Variants in PPP2R2B observed in about 807,000 individuals in gnomAD.
PPP2R2B encodes protein phosphatase 2 regulatory subunit Bbeta.
Under a neutral mutation model 46.0 loss-of-function variants are expected in PPP2R2B, and 5 were observed. The ratio of observed to expected loss-of-function variants is 0.11; its 90% CI spans 0.06 to 0.23. PPP2R2B has a LOEUF of 0.23. PPP2R2B is among the 10% of genes least tolerant of loss of function. PPP2R2B has a pLI of 1.00. For synonymous variants in PPP2R2B, 215 were observed against 206.7 expected, an observed-to-expected ratio of 1.04 and a Z score of -0.34; for missense variants, 367 against 575.0, an observed-to-expected ratio of 0.64 and a Z score of 3.70.
intron 1 of PPP2R2B, among the ~76,000 whole-genome samples, chr5:147,047,506 A>G (rs1756598745): frequency 1.3e-5 from 2 of 152,136 alleles, no homozygotes; most frequent in South Asian, 4.1e-4. Context: ...GGCCTCTACT[A>G]ATATAAAGAG....
intron 5 of PPP2R2B, among the ~76,000 whole-genome samples, chr5:146,687,841 G>A (rs1228610829): frequency 2.0e-5 from 3 of 152,226 alleles, no homozygotes; most frequent in Non-Finnish European, 2.9e-5. Context: ...ATTAGCTGTC[G>A]GGTATTATTA....
intron 1 of PPP2R2B, among the ~76,000 whole-genome samples, chr5:146,953,520 G>A (rs1374535875): frequency 6.6e-6 from 1 of 152,132 alleles, no homozygotes; most frequent in Non-Finnish European, 1.5e-5. Flanking sequence ...AATGAATTCA[G>A]TGGTGTTAAT....
chr5:146,627,416 A>C (rs1398172443), intron 7 of PPP2R2B, among the ~76,000 whole-genome samples: 1 of 152,186 alleles, frequency 6.6e-6, no homozygotes, highest in South Asian at 2.1e-4. Flanking sequence ...CTAGTGGCTT[A>C]CTTACCAGGG....
At chr5:147,081,300 A>C (rs1376198371) in exon 1 of PPP2R2B, 1 of 1,535,540 alleles carries the variant, frequency 6.5e-7, no homozygotes, top group Non-Finnish European at 8.7e-7. Flanking sequence ...GAGTCCTGAG[A>C]GGACGGTCAG....
intron 2 of PPP2R2B, among the ~76,000 whole-genome samples, chr5:146,802,358 G>A (rs796729399): frequency 5.4e-4 from 82 of 152,266 alleles, no homozygotes; most frequent in African/African-American, 1.9e-3. Flanking sequence ...CAGGGGGGTG[G>A]CAAATGAATA....
intron 2 of PPP2R2B, among the ~76,000 whole-genome samples, chr5:146,711,860 A>AT (rs1780228374): frequency 6.6e-6 from 1 of 152,144 alleles, no homozygotes; most frequent in South Asian, 2.1e-4. Context: ...GATCATAGAG[A>AT]TTTTTAAGTC....
At chr5:146,695,112 T>C (rs966746692) in intron 4 of PPP2R2B, among the ~76,000 whole-genome samples, 2 of 152,070 alleles carry the variant, frequency 1.3e-5, no homozygotes, top group African/African-American at 4.8e-5. Context: ...GGGAAGATAT[T>C]CCTATTATTA....
At chr5:146,811,789 G>T (rs113062175) in intron 2 of PPP2R2B, among the ~76,000 whole-genome samples, 1 of 145,544 alleles carries the variant, frequency 6.9e-6, no homozygotes, top group Admixed American at 7.0e-5. Flanking sequence ...GGATGGTCTC[G>T]ATCTCCTGAC....
At chr5:146,994,384 A>C (rs778235796) in intron 1 of PPP2R2B, among the ~76,000 whole-genome samples, 1 of 151,774 alleles carries the variant, frequency 6.6e-6, no homozygotes, top group Non-Finnish European at 1.5e-5. Flanking sequence ...CCAGAAGCCA[A>C]CTCTGAGTCA....
At chr5:146,745,829 A>G (rs1753157705) in intron 2 of PPP2R2B, among the ~76,000 whole-genome samples, 1 of 152,022 alleles carries the variant, frequency 6.6e-6, no homozygotes, top group Non-Finnish European at 1.5e-5. Flanking sequence ...ATGGTGGTGC[A>G]TGCCTATAGT....
rs1202940324 is a variant in PPP2R2B, at chr5:146,584,753, G to T, written c.*5194C>A. On this transcript the variant is annotated 3_prime_UTR_variant, in exon 10 of 10. Coordinates refer to ENST00000394411, the MANE Select transcript of PPP2R2B (RefSeq NM_181675.4). ...TTAAAATAAGGTTTAATAAATATTT[G>T]TTATTGGATGAACAAAAGGAAAAAG... The T allele has an allele frequency of 1.3e-5, 2 of 152,118 alleles. No individual in the cohort carries two copies. The highest frequency in any genetic ancestry group is 2.9e-5 in the Non-Finnish European group (2 of 68,024). The allele number at this position is 152,118 out of a possible 1,614,324, so 9.4% of individuals were successfully genotyped here.
At chr5:146,941,134 T>A (rs1764309250) in intron 1 of PPP2R2B, among the ~76,000 whole-genome samples, 1 of 152,164 alleles carries the variant, frequency 6.6e-6, no homozygotes, top group South Asian at 2.1e-4. Context: ...TGAGGCTACA[T>A]GAAATGCAAT....
rs1378234113 is a variant in PPP2R2B, at chr5:146,588,788, T to TTCTGG, written c.*1154_*1158dup. 6.6e-6 allele frequency: 1 copy of TTCTGG among 152,214 alleles called. No homozygotes were observed. The highest frequency in any genetic ancestry group is 2.4e-5 in the African/African-American group (1 of 41,472). The allele number at this position is 152,214 out of a possible 1,614,324, so 9.4% of individuals were successfully genotyped here. A position where few individuals can be genotyped will look rare whatever the true frequency, so the allele number is the denominator to read the frequency against. On this transcript the variant is annotated 3_prime_UTR_variant, in exon 10 of 10. Coordinates refer to ENST00000394411, the MANE Select transcript of PPP2R2B (RefSeq NM_181675.4). ...CAGTTCATTTCTGTAGAAGAGAGCC[T>TTCTGG]TCTGGTCTGTTTTTCCAGATGGCGA...
At chr5:146,923,808 A>G (rs1165410977) in intron 1 of PPP2R2B, among the ~76,000 whole-genome samples, 2 of 152,182 alleles carry the variant, frequency 1.3e-5, no homozygotes, top group Admixed American at 6.5e-5. Context: ...TAGCAAACAC[A>G]TGAAATCCAC....
intron 1 of PPP2R2B, among the ~76,000 whole-genome samples, chr5:146,993,904 A>G (rs1753812215): frequency 6.6e-6 from 1 of 152,146 alleles, no homozygotes. Context: ...CTAAGGATCC[A>G]GAATTGCTAT....
At chr5:146,740,970 G>A (rs1411217287) in intron 2 of PPP2R2B, among the ~76,000 whole-genome samples, 1 of 151,122 alleles carries the variant, frequency 6.6e-6, no homozygotes, top group Non-Finnish European at 1.5e-5. Context: ...CCGGGAGGCG[G>A]AGGTGGCAGT....
At chr5:146,730,770 A>G (rs1353653191) in intron 2 of PPP2R2B, among the ~76,000 whole-genome samples, 2 of 152,178 alleles carry the variant, frequency 1.3e-5, no homozygotes, top group Non-Finnish European at 2.9e-5. Context: ...TGTAAGTCCA[A>G]TTAAACCTCT....
chr5:146,583,547 T>C lies in PPP2R2B; in HGVS notation c.*6400A>G, dbSNP rs1029535504. The C allele has an allele frequency of 6.6e-6, 1 of 152,134 alleles. No individual in the cohort carries two copies. Among genetic ancestry groups the C allele is most frequent in the Non-Finnish European group, 1.5e-5 (1 of 68,036 alleles). 9.4% of individuals were successfully genotyped at this position (152,134 alleles called of 1,614,324 possible). ...GGCTGGCAGGCTCGGTATCCTGGGC[T>C]CTTGACATTCCACTGCCACCATTGC... On this transcript the variant is annotated 3_prime_UTR_variant, in exon 10 of 10. Coordinates refer to ENST00000394411, the MANE Select transcript of PPP2R2B (RefSeq NM_181675.4).
intron 1 of PPP2R2B, among the ~76,000 whole-genome samples, chr5:147,001,396 T>C (rs1754166799): frequency 6.6e-6 from 1 of 151,856 alleles, no homozygotes; most frequent in African/African-American, 2.4e-5. Context: ...AAGAAACAAC[T>C]CCAGACACGC....
Sources: gnomAD v4.1 joint callset for allele counts (sites outside exome capture counted in the v4.1 genomes callset) on GRCh38, gnomAD v4.1.1 for gene constraint, MANE v1.5 for transcripts, NCBI Gene and HGNC (gene_info 2026-07-23, HGNC 2026-07-21) for gene names.